Variants in DOCK3 observed in about 807,000 individuals in gnomAD.
DOCK3 encodes dedicator of cytokinesis 3.
DOCK3 carries 60 observed loss-of-function variants against 265.6 expected under a neutral mutation model. The ratio of observed to expected loss-of-function variants is 0.23; its 90% CI spans 0.18 to 0.28. The LOEUF is 0.28. Among genes scored for constraint, DOCK3 ranks in the 10% least tolerant of loss-of-function variants. The pLI is 1.00. For synonymous variants in DOCK3, 881 were observed against 938.0 expected (o/e 0.94, Z 1.11); for missense variants, 1,981 against 2,594.3 (o/e 0.76, Z 5.14).
intron 12 of DOCK3, among the ~76,000 whole-genome samples, chr3:51,171,638 C>T (rs2086686117): frequency 6.6e-6 from 1 of 151,624 alleles, no homozygotes; most frequent in African/African-American, 2.4e-5. Flanking sequence ...ATGGCATGAA[C>T]CCGGGAGGCA....
At chr3:50,863,482 A>T (rs1453586856) in intron 3 of DOCK3, 1 of 517,444 alleles carries the variant, frequency 1.9e-6, no homozygotes, top group East Asian at 5.5e-5. Flanking sequence ...TGCAGCAGAG[A>T]AGTACTCCCA....
At chr3:50,766,171 G>T (rs1360836481) in intron 1 of DOCK3, among the ~76,000 whole-genome samples, 1 of 151,856 alleles carries the variant, frequency 6.6e-6, no homozygotes, top group South Asian at 2.1e-4. Flanking sequence ...TGTGCACAAC[G>T]TGTAGGTTTG....
intron 5 of DOCK3, among the ~76,000 whole-genome samples, chr3:51,045,496 A>G (rs551963400): frequency 6.6e-6 from 1 of 152,342 alleles, no homozygotes; most frequent in South Asian, 2.1e-4. Context: ...TTCCAGAGAC[A>G]CAAAGTGAGT....
intron 9 of DOCK3, 32 bp downstream of exon 9, chr3:51,090,416 T>C: frequency 5.7e-6 from 9 of 1,583,296 alleles, no homozygotes; most frequent in Non-Finnish European, 7.7e-6. Flanking sequence ...GGTGAGGTTC[T>C]ATGTTAGGAT....
intron 5 of DOCK3, among the ~76,000 whole-genome samples, chr3:51,009,858 C>A (rs776536435): frequency 6.6e-6 from 1 of 152,120 alleles, no homozygotes; most frequent in African/African-American, 2.4e-5. Context: ...TTTATTTCTG[C>A]CTTCATTTAA....
chr3:50,701,187 G>A (rs1048463445), intron 1 of DOCK3, among the ~76,000 whole-genome samples: 16 of 145,798 alleles, frequency 1.1e-4, no homozygotes, highest in African/African-American at 4.1e-4. Context: ...CTGGAGTGCC[G>A]TGGCAGGATC....
At chr3:50,802,125 GTCTT>G (rs2043103981) in intron 2 of DOCK3, among the ~76,000 whole-genome samples, 1 of 151,896 alleles carries the variant, frequency 6.6e-6, no homozygotes, top group Non-Finnish European at 1.5e-5. Flanking sequence ...ATATCATAGG[GTCTT>G]TCTTTTTTAT....
intron 5 of DOCK3, among the ~76,000 whole-genome samples, chr3:51,048,606 A>G (rs989297729): frequency 1.3e-5 from 2 of 152,224 alleles, no homozygotes; most frequent in African/African-American, 4.8e-5. Context: ...ACATCAAACC[A>G]TCATGAAGCA....
chr3:51,225,548 C>A, intron 14 of DOCK3, 101 bp from the exon 15 acceptor site: 1 of 1,491,514 alleles, frequency 6.7e-7, no homozygotes, highest in Non-Finnish European at 8.9e-7. Context: ...CCTGAACACC[C>A]ACCCAAGCCC....
chr3:50,704,972 G>C lies in DOCK3; in HGVS notation c.37+29672G>C, dbSNP rs115228850. ...AGAATTTAAACTGTTTACATTCAAG[G>C]TTGTCACTGATAGTTGAGGACTTAT... On this transcript the variant is annotated intron_variant, in intron 1 of 52. Transcript: ENST00000266037. Among the ~76,000 whole-genome samples, 900 of 150,876 alleles carry C rather than the reference G, an allele frequency of 6.0e-3. 6 individuals carry two copies. Among genetic ancestry groups the C allele is most frequent in the African/African-American group, 0.02 (841 of 41,240 alleles).
intron 1 of DOCK3, among the ~76,000 whole-genome samples, chr3:50,743,682 T>A (rs1469888997): frequency 6.6e-6 from 1 of 152,170 alleles, no homozygotes; most frequent in Non-Finnish European, 1.5e-5. Context: ...GCACCCAGAT[T>A]CATAAAGCAA....
In DOCK3 at chr3:51,228,851, A is replaced by G. The variant is rs1195371036; in HGVS notation, c.1819+19A>G. 6.2e-7 allele frequency: 1 copy of G among 1,612,090 alleles called. No homozygotes were observed. Among genetic ancestry groups the G allele is most frequent in the East Asian group, 2.2e-5 (1 of 44,872 alleles). The stretch of plus-strand genomic sequence containing the variant: ...CAGAATGGTAGGTGATAATGCCTGC[A>G]GGGTGGTGCCCTCCACCCTCCTCCA... On this transcript the variant is annotated intron_variant, in intron 18 of 52. Transcript: ENST00000266037.
intron 22 of DOCK3, among the ~76,000 whole-genome samples, chr3:51,251,025 C>CA (rs1257658155): frequency 2.6e-5 from 4 of 152,156 alleles, no homozygotes; most frequent in African/African-American, 4.8e-5. Flanking sequence ...CCCCATCCCC[C>CA]AACCCCACAA....
intron 2 of DOCK3, among the ~76,000 whole-genome samples, chr3:50,814,580 T>C (rs1007266701): frequency 2.0e-4 from 31 of 152,128 alleles, no homozygotes; most frequent in African/African-American, 7.0e-4. Flanking sequence ...TACAATATTA[T>C]GAACTTAACC....
intron 26 of DOCK3, 96 bp from the exon 27 acceptor site, chr3:51,280,010 T>A: frequency 1.1e-6 from 1 of 942,964 alleles, no homozygotes; most frequent in Non-Finnish European, 1.6e-6. Context: ...ATTGGGGCCA[T>A]CTCAGACCCT....
At chr3:50,971,026 C>G (rs1360651293) in intron 5 of DOCK3, among the ~76,000 whole-genome samples, 2 of 35,056 alleles carry the variant, frequency 5.7e-5, no homozygotes, top group African/African-American at 1.5e-4. Flanking sequence ...ATAGGGGACT[C>G]ACTATGTTTC....
chr3:50,726,397 A>G (rs1049382313), intron 1 of DOCK3, among the ~76,000 whole-genome samples: 7 of 152,194 alleles, frequency 4.6e-5, no homozygotes, highest in Non-Finnish European at 7.3e-5. Context: ...TAAAGTGTAT[A>G]TTGGAGAATC....
intron 22 of DOCK3, among the ~76,000 whole-genome samples, chr3:51,253,068 G>A (rs2355944): frequency 0.89 from 135,715 of 152,258 alleles, 60,569 homozygotes; most frequent in East Asian, 0.93. Context: ...AGTTTTTAGC[G>A]TGAAGGGCTG....
In DOCK3 at chr3:50,916,546, G is replaced by A. The variant is rs147125745; in HGVS notation, c.219-17435G>A. ...AAATGTAGTTGTCTTGGCCAGGCAC[G>A]GTGGCTCACACCTGTAATCGCAGCA... On this transcript the variant is annotated intron_variant, in intron 4 of 52. Transcript: ENST00000266037. Among the ~76,000 whole-genome samples, 638 of 152,152 alleles carry A rather than the reference G, an allele frequency of 4.2e-3. 6 individuals carry two copies. The highest frequency in any genetic ancestry group is 5.2e-3 in the Non-Finnish European group (355 of 68,008).
Sources: gnomAD v4.1 joint callset for allele counts (sites outside exome capture counted in the v4.1 genomes callset) on GRCh38, gnomAD v4.1.1 for gene constraint, MANE v1.5 for transcripts, NCBI Gene and HGNC (gene_info 2026-07-23, HGNC 2026-07-21) for gene names.